Variants in GRIN2A observed in about 807,000 individuals in gnomAD.
GRIN2A encodes the protein glutamate ionotropic receptor NMDA type subunit 2A.
In GRIN2A, 22 loss-of-function variants were observed where a neutral mutation model predicts 113.4. That is an observed-to-expected ratio of 0.19 (90% CI 0.14 to 0.28). GRIN2A has a LOEUF of 0.28. Ranked by LOEUF, GRIN2A falls within the 10% of genes least tolerant of loss-of-function variation. The pLI is 1.00. For missense variants in GRIN2A, 1,502 were observed against 1,887.0 expected (o/e 0.80, Z 3.78); for synonymous variants, 827 against 738.4 (o/e 1.12, Z -1.94).
chr16:10,038,095 C>G (rs2141948617), intron 2 of GRIN2A, among the ~76,000 whole-genome samples: 1 of 152,290 alleles, frequency 6.6e-6, no homozygotes, highest in East Asian at 1.9e-4. Context: ...CTTTATTTCT[C>G]TCAGTTCCAG....
chr16:9,996,533 T>C (rs2046226862), intron 2 of GRIN2A, among the ~76,000 whole-genome samples: 1 of 152,166 alleles, frequency 6.6e-6, no homozygotes, highest in Non-Finnish European at 1.5e-5. Context: ...CAACTAGACA[T>C]CTCCTCCCAA....
chr16:10,113,467 G>C (rs375468639), intron 2 of GRIN2A, among the ~76,000 whole-genome samples: 3 of 152,190 alleles, frequency 2.0e-5, no homozygotes, highest in South Asian at 2.1e-4. Context: ...CCCATCATTC[G>C]TGACTCACCA....
chr16:10,128,503 C>T (rs77858670), intron 2 of GRIN2A, among the ~76,000 whole-genome samples: 4,731 of 152,230 alleles, frequency 0.031, 131 homozygotes, highest in South Asian at 0.12. Context: ...GGCCAAACCA[C>T]CACTGTAGAT....
intron 2 of GRIN2A, among the ~76,000 whole-genome samples, chr16:10,105,142 G>C (rs1244289870): frequency 2.0e-5 from 1 of 51,098 alleles, no homozygotes; most frequent in Non-Finnish European, 4.1e-5. Flanking sequence ...AGAGATGGAA[G>C]CCTGGAGAAG....
intron 2 of GRIN2A, among the ~76,000 whole-genome samples, chr16:10,053,778 C>T (rs1033276193): frequency 1.8e-4 from 28 of 152,260 alleles, no homozygotes; most frequent in African/African-American, 6.3e-4. Context: ...ATGGCAAGAA[C>T]CGCAAATACT....
At chr16:10,028,263 A>C (rs537006999) in intron 2 of GRIN2A, among the ~76,000 whole-genome samples, 35 of 152,348 alleles carry the variant, frequency 2.3e-4, no homozygotes, top group Non-Finnish European at 2.2e-4. Flanking sequence ...CAAGTTTCAC[A>C]GTCAGTAAGT....
chr16:9,765,014 T>G (rs1900829783), intron 12 of GRIN2A, 66 bp from the exon 13 acceptor site: 1 of 1,604,582 alleles, frequency 6.2e-7, no homozygotes, highest in African/African-American at 1.3e-5. Flanking sequence ...ACTTTGCACT[T>G]GAACTTTACC....
chr16:9,890,246 T>A lies in GRIN2A; in HGVS notation c.1122+740A>T, dbSNP rs557583283. 2.0e-5 allele frequency among the ~76,000 whole-genome samples: 3 copies of A among 152,348 alleles called. No homozygotes were observed. The South Asian group carries it at 6.2e-4, about 32-fold the overall frequency. ...AACAAAGGCTTTCTGATCCCTTTTA[T>A]TCTACTCTTTATACGAAATTGTAGC... On this transcript the variant is annotated intron_variant, in intron 4 of 12. Transcript: ENST00000330684.
intron 4 of GRIN2A, among the ~76,000 whole-genome samples, chr16:9,866,685 G>A (rs1320854557): frequency 6.6e-6 from 1 of 152,210 alleles, no homozygotes; most frequent in Non-Finnish European, 1.5e-5. Context: ...CTATTTGCAA[G>A]TAATTGATGT....
intron 3 of GRIN2A, among the ~76,000 whole-genome samples, chr16:9,919,105 G>C (rs554921057): frequency 4.6e-5 from 7 of 152,086 alleles, no homozygotes; most frequent in Admixed American, 4.6e-4. Flanking sequence ...CCCGGGAGGC[G>C]GAGGTTGCAG....
intron 2 of GRIN2A, among the ~76,000 whole-genome samples, chr16:10,157,555 T>C (rs902332211): frequency 2.0e-5 from 3 of 152,156 alleles, no homozygotes; most frequent in Non-Finnish European, 4.4e-5. Flanking sequence ...CTTACAATCA[T>C]GGCAGAAGAT....
intron 2 of GRIN2A, among the ~76,000 whole-genome samples, chr16:10,005,338 G>A (rs1043783690): frequency 3.3e-5 from 5 of 152,154 alleles, no homozygotes; most frequent in Admixed American, 6.5e-5. Context: ...GACAACTGCT[G>A]TTTATATTTG....
At chr16:9,821,776 A>T (rs1286689135) in intron 10 of GRIN2A, among the ~76,000 whole-genome samples, 1 of 152,170 alleles carries the variant, frequency 6.6e-6, no homozygotes, top group Non-Finnish European at 1.5e-5. Context: ...TGCTAACTGT[A>T]ACTTGAATGA....
intron 2 of GRIN2A, among the ~76,000 whole-genome samples, chr16:10,170,236 T>G (rs2050014418): frequency 6.6e-6 from 1 of 152,226 alleles, no homozygotes; most frequent in African/African-American, 2.4e-5. Flanking sequence ...CCAAGTGAGT[T>G]GGATGTGATA....
intron 4 of GRIN2A, 65 bp downstream of exon 4, chr16:9,890,921 G>A (rs1424003098): frequency 2.0e-6 from 2 of 980,284 alleles, no homozygotes; most frequent in African/African-American, 3.2e-5. Flanking sequence ...AAGAAGCACT[G>A]TGAGCCCCTT....
At chr16:9,973,185 T>C (rs183866580) in intron 2 of GRIN2A, among the ~76,000 whole-genome samples, 39 of 152,340 alleles carry the variant, frequency 2.6e-4, no homozygotes, top group African/African-American at 8.7e-4. Context: ...TGGGGAGGTT[T>C]AGAGTCTTGC....
chr16:9,890,834 C>G (rs2043678841), intron 4 of GRIN2A, 152 bp downstream of exon 4: 2 of 655,520 alleles, frequency 3.1e-6, no homozygotes, highest in Non-Finnish European at 5.5e-6. Context: ...CAGATTTAGT[C>G]TGCCTTGTTG....
At chr16:10,122,703 T>C (rs1048937897) in intron 2 of GRIN2A, among the ~76,000 whole-genome samples, 3 of 152,100 alleles carry the variant, frequency 2.0e-5, no homozygotes, top group African/African-American at 7.2e-5. Context: ...CAAAGAAACA[T>C]GAAAAGGGTG....
At chr16:9,906,911 CA>C (rs1330960473) in intron 3 of GRIN2A, among the ~76,000 whole-genome samples, 6 of 152,320 alleles carry the variant, frequency 3.9e-5, no homozygotes, top group African/African-American at 1.2e-4. Flanking sequence ...GGCACAATCA[CA>C]GCTCACTGCG....
Sources: gnomAD v4.1 joint callset for allele counts (sites outside exome capture counted in the v4.1 genomes callset) on GRCh38, gnomAD v4.1.1 for gene constraint, MANE v1.5 for transcripts, NCBI Gene and HGNC (gene_info 2026-07-23, HGNC 2026-07-21) for gene names.